PKHD1: variants seen among roughly 807,000 people sequenced by gnomAD.
PKHD1 encodes the protein fibrocystin.
Under a neutral mutation model 412.0 loss-of-function variants are expected in PKHD1, and 291 were observed. That is an observed-to-expected ratio of 0.71 (90% confidence interval 0.64 to 0.78). The LOEUF is 0.78. Ranked by LOEUF, PKHD1 falls within the 30% of genes least tolerant of loss-of-function variation. The pLI is 0.00. For missense variants in PKHD1, 4,825 were observed against 4,950.7 expected, an observed-to-expected ratio of 0.97 and a Z score of 0.76; for synonymous variants, 1,777 against 1,821.5, an observed-to-expected ratio of 0.98 and a Z score of 0.62.
In PKHD1 at chr6:52,073,470, T is replaced by G. The variant is rs765459896; in HGVS notation, c.520A>C (p.Ile174Leu). 10 of 1,592,022 alleles carry G rather than the reference T, an allele frequency of 6.3e-6. No homozygotes were observed. In the East Asian group the frequency reaches 1.1e-4, roughly 18 times the overall value. ...AAACAAACACACACTTACCTATCAATGTACTCAGCATCAAAATCAAAAGTT... is the reference window on the plus strand; with the variant it reads ...AAACAAACACACACTTACCTATCAAGGTACTCAGCATCAAAATCAAAAGTT... ...LETFDFDAEYIDSPVILEAQG... is the reference protein window; with the variant it reads ...LETFDFDAEYLDSPVILEAQG... The change falls in exon 7 of 67, where the codon ATT (isoleucine) becomes CTT (leucine). Residue 174 changes from isoleucine to leucine, a missense_variant. Transcript: ENST00000371117.
At chr6:51,837,112 A>G (rs1298175230) in intron 50 of PKHD1, among the ~76,000 whole-genome samples, 1 of 152,226 alleles carries the variant, frequency 6.6e-6, no homozygotes, top group East Asian at 1.9e-4. Context: ...TCCTTTGCCA[A>G]GAGAGGCTGC....
chr6:51,963,397 A>G lies in PKHD1; in HGVS notation c.5752-3371T>C, dbSNP rs1792354043. Among the ~76,000 whole-genome samples the G allele has an allele frequency of 2.0e-5, 3 of 152,144 alleles. 1 individual carries two copies. Among genetic ancestry groups the G allele is most frequent in the African/African-American group, 4.8e-5 (2 of 41,446 alleles). ...CTGAATTCCCCTTAGCATAACAAAG[A>G]TATCTTGAGATGTATAAATGTTTAT... On this transcript the variant is annotated intron_variant, in intron 35 of 66. Transcript: ENST00000371117.
chr6:51,774,210 T>C (rs1407204491), intron 54 of PKHD1, among the ~76,000 whole-genome samples: 1 of 152,042 alleles, frequency 6.6e-6, no homozygotes, highest in African/African-American at 2.4e-5. Flanking sequence ...AATGACACCA[T>C]TTCTTAGTTG....
chr6:51,992,616 A>G (rs568898755), intron 35 of PKHD1, among the ~76,000 whole-genome samples: 1 of 152,334 alleles, frequency 6.6e-6, no homozygotes, highest in Non-Finnish European at 1.5e-5. Context: ...CCAAGAGAAA[A>G]GAACCCAGAC....
At chr6:52,061,605 C>T (rs1410200464) in intron 14 of PKHD1, among the ~76,000 whole-genome samples, 1 of 152,008 alleles carries the variant, frequency 6.6e-6, no homozygotes, top group East Asian at 1.9e-4. Flanking sequence ...CTTTTCTTTA[C>T]ACAACTGAGT....
At chr6:51,628,510 C>T (rs1163408265) in intron 65 of PKHD1, among the ~76,000 whole-genome samples, 5 of 152,164 alleles carry the variant, frequency 3.3e-5, no homozygotes, top group Non-Finnish European at 5.9e-5. Context: ...CATGTCTTTG[C>T]TATTGTGAAT....
chr6:51,664,186 A>G (rs6906559), intron 60 of PKHD1, among the ~76,000 whole-genome samples: 22,044 of 152,094 alleles, frequency 0.14, 1,591 homozygotes, highest in East Asian at 0.27. Flanking sequence ...CCCAGAAGCC[A>G]GTCTGTCATA....
chr6:51,974,619 T>C lies in PKHD1; in HGVS notation c.5752-14593A>G, dbSNP rs1794117252. 2.0e-5 allele frequency among the ~76,000 whole-genome samples: 3 copies of C among 152,222 alleles called. No individual in the cohort carries two copies. The South Asian group carries it at 6.2e-4, about 32-fold the overall frequency. ...TAACTCAGGAATGAAAAACCAAACA[T>C]TGTATGTTCTCACTCATATGTAGGA... On this transcript the variant is annotated intron_variant, in intron 35 of 66. Coordinates refer to ENST00000371117, the MANE Select transcript of PKHD1 (RefSeq NM_138694.4).
intron 52 of PKHD1, among the ~76,000 whole-genome samples, chr6:51,797,407 T>A (rs952821309): frequency 1.3e-5 from 2 of 152,200 alleles, no homozygotes; most frequent in Non-Finnish European, 2.9e-5. Flanking sequence ...GGTGTTAAAG[T>A]CTCACACTAT....
intron 63 of PKHD1, among the ~76,000 whole-genome samples, chr6:51,641,883 T>C (rs549100777): frequency 6.6e-6 from 1 of 151,966 alleles, no homozygotes; most frequent in East Asian, 1.9e-4. Context: ...CATCACACAC[T>C]AGGGCCTGTC....
At chr6:51,647,084 C>T (rs1770183481) in intron 63 of PKHD1, among the ~76,000 whole-genome samples, 3 of 152,158 alleles carry the variant, frequency 2.0e-5, no homozygotes, top group South Asian at 4.1e-4. Flanking sequence ...TTATGAGGCT[C>T]CTTTGCCTTA....
At chr6:51,855,795 C>A (rs1441351709) in intron 49 of PKHD1, 98 bp downstream of exon 49, 14 of 960,584 alleles carry the variant, frequency 1.5e-5, no homozygotes, top group Non-Finnish European at 2.2e-5. Flanking sequence ...CTTTCAATAA[C>A]GAGATAACCT....
chr6:51,705,535 C>T (rs893504823), intron 60 of PKHD1, among the ~76,000 whole-genome samples: 2 of 151,978 alleles, frequency 1.3e-5, no homozygotes, highest in Non-Finnish European at 2.9e-5. Context: ...AAGTAGAGAC[C>T]CTGTATTAGA....
chr6:51,776,358 T>C (rs917682262), intron 53 of PKHD1, among the ~76,000 whole-genome samples: 2 of 151,992 alleles, frequency 1.3e-5, no homozygotes, highest in Non-Finnish European at 2.9e-5. Context: ...ATTTCTTAAA[T>C]AGCCTGTGGT....
At chr6:51,936,848 A>T (rs1302023798) in intron 36 of PKHD1, among the ~76,000 whole-genome samples, 1 of 152,202 alleles carries the variant, frequency 6.6e-6, no homozygotes, top group Non-Finnish European at 1.5e-5. Flanking sequence ...ACCACATGAC[A>T]GATAGCCGGC....
chr6:51,929,548 C>T (rs1011386075), intron 37 of PKHD1, among the ~76,000 whole-genome samples: 12 of 152,162 alleles, frequency 7.9e-5, no homozygotes, highest in African/African-American at 1.9e-4. Context: ...AACCACTGAC[C>T]GGAAACACAC....
intron 66 of PKHD1, among the ~76,000 whole-genome samples, chr6:51,625,134 T>C (rs895118642): frequency 3.3e-5 from 5 of 152,146 alleles, no homozygotes; most frequent in African/African-American, 1.2e-4. Flanking sequence ...TGTGGTAAAT[T>C]TATAATCTGA....
chr6:51,698,132 T>C (rs1779015361), intron 60 of PKHD1, among the ~76,000 whole-genome samples: 1 of 152,226 alleles, frequency 6.6e-6, no homozygotes, highest in African/African-American at 2.4e-5. Flanking sequence ...TAAACAGGTC[T>C]GAACAGCCAT....
In PKHD1 at chr6:52,017,565, G is replaced by A. The variant is rs766124480; in HGVS notation, c.5445C>T (p.Thr1815=). 6.2e-7 allele frequency: 1 copy of A among 1,614,000 alleles called. No individual in the cohort carries two copies. Among genetic ancestry groups the A allele is most frequent in the South Asian group, 1.1e-5 (1 of 91,066 alleles). ...EEDSCEAARH[T]YVQCDLTVAM... Reference sequence around the variant, plus strand: ...CAACTGTCAAATCACACTGCACATAGGTGTGTCTGGCAGCCTCACAGCTGT... The same window carrying A: ...CAACTGTCAAATCACACTGCACATAAGTGTGTCTGGCAGCCTCACAGCTGT... Residue 1815 remains threonine, a synonymous_variant, in exon 34 of 67, where the codon ACC becomes ACT. Transcript: ENST00000371117.
Sources: gnomAD v4.1 joint callset for allele counts (sites outside exome capture counted in the v4.1 genomes callset) on GRCh38, gnomAD v4.1.1 for gene constraint, MANE v1.5 for transcripts, NCBI Gene and HGNC (gene_info 2026-07-23, HGNC 2026-07-21) for gene names.